Variants in ABI1 observed in about 807,000 individuals in gnomAD.
ABI1 encodes the protein abl interactor 1, also known as Abelson interactor 1.
A neutral mutation model predicts 54.6 loss-of-function variants in ABI1; 14 were observed. The ratio of observed to expected loss-of-function variants is 0.26; its 90% CI spans 0.17 to 0.40. The LOEUF (loss-of-function observed/expected upper bound fraction) is 0.40, where lower values mean the gene tolerates loss of function less well. ABI1 is among the 10% of genes least tolerant of loss of function. The pLI, the probability that ABI1 is intolerant of heterozygous loss-of-function variation, is 1.00. For synonymous variants in ABI1, 194 were observed against 209.3 expected (o/e 0.93, Z 0.63); for missense variants, 443 against 598.3 (o/e 0.74, Z 2.71).
At chr10:26,821,390 G>C (rs763658234) in intron 2 of ABI1, among the ~76,000 whole-genome samples, 1 of 151,906 alleles carries the variant, frequency 6.6e-6, no homozygotes, top group Admixed American at 6.6e-5. Flanking sequence ...TTTTAATATC[G>C]ATAAAGTTGG....
At chr10:26,795,891 C>T (rs2133274116) in intron 2 of ABI1, among the ~76,000 whole-genome samples, 1 of 152,256 alleles carries the variant, frequency 6.6e-6, no homozygotes, top group Middle Eastern at 3.4e-3. Flanking sequence ...ATAGAAAAAA[C>T]AATCCTAAAA....
At position 26,748,026 on chromosome 10, in the gene ABI1, CCTAAGTACGAGT is replaced by C; in HGVS notation, c.*532_*543del. 4.9e-6 allele frequency: 1 copy of C among 204,264 alleles called. No individual in the cohort carries two copies. Among genetic ancestry groups the C allele is most frequent in the Non-Finnish European group, 1.0e-5 (1 of 99,996 alleles). 12.7% of individuals were successfully genotyped at this position (204,264 alleles called of 1,614,324 possible). ...TGGAGACTCAATTCACGTTAAGACA[CCTAAGTACGAGT>C]CCTCCAGGTAAATATTACACAAATG... On this transcript the variant is annotated 3_prime_UTR_variant, in exon 11 of 11. Coordinates refer to ENST00000376140, the MANE Select transcript of ABI1 (RefSeq NM_001012750.3).
intron 2 of ABI1, among the ~76,000 whole-genome samples, chr10:26,800,151 A>G (rs1317724921): frequency 6.6e-6 from 1 of 152,082 alleles, no homozygotes; most frequent in African/African-American, 2.4e-5. Flanking sequence ...TGGGAGGCCA[A>G]CCTAGGTGTA....
intron 2 of ABI1, among the ~76,000 whole-genome samples, chr10:26,784,487 A>G (rs1842491639): frequency 6.9e-6 from 1 of 144,488 alleles, no homozygotes; most frequent in Non-Finnish European, 1.5e-5. Context: ...GGGAGGCCAC[A>G]TTGGAGAAAC....
chr10:26,819,025 C>T (rs574016669), intron 2 of ABI1, among the ~76,000 whole-genome samples: 1 of 152,282 alleles, frequency 6.6e-6, no homozygotes, highest in East Asian at 1.9e-4. Context: ...ATGACACCAA[C>T]AGCCCTAAGA....
intron 2 of ABI1, among the ~76,000 whole-genome samples, chr10:26,783,042 T>TC (rs1226665477): frequency 3.9e-5 from 6 of 152,086 alleles, no homozygotes; most frequent in Admixed American, 3.9e-4. Context: ...AGCCAAAAGA[T>TC]GAAAGTAACC....
chr10:26,758,403 C>T (rs967943979), intron 8 of ABI1, among the ~76,000 whole-genome samples: 2 of 152,144 alleles, frequency 1.3e-5, no homozygotes, highest in Non-Finnish European at 2.9e-5. Context: ...AATGACTACC[C>T]TACACTATTC....
chr10:26,849,299 C>T (rs552939850), intron 1 of ABI1, among the ~76,000 whole-genome samples: 4 of 152,012 alleles, frequency 2.6e-5, no homozygotes, highest in Non-Finnish European at 4.4e-5. Flanking sequence ...TTCTTTACTG[C>T]CAACCATCCA....
chr10:26,809,811 C>T (rs1224646610), intron 2 of ABI1, among the ~76,000 whole-genome samples: 2 of 152,120 alleles, frequency 1.3e-5, no homozygotes, highest in Non-Finnish European at 2.9e-5. Context: ...TGGTGGAGCT[C>T]CCTGGATGGT....
At chr10:26,798,315 G>C (rs988416290) in intron 2 of ABI1, among the ~76,000 whole-genome samples, 2 of 151,846 alleles carry the variant, frequency 1.3e-5, no homozygotes, top group Admixed American at 6.6e-5. Flanking sequence ...TATTGGGGGG[G>C]GTGAATCAAA....
intron 1 of ABI1, among the ~76,000 whole-genome samples, chr10:26,833,356 A>G (rs2048811958): frequency 6.6e-6 from 1 of 152,230 alleles, no homozygotes; most frequent in Non-Finnish European, 1.5e-5. Context: ...GGGTATTCCC[A>G]ATAACTAGAT....
intron 10 of ABI1, among the ~76,000 whole-genome samples, chr10:26,750,054 C>T (rs7078227): frequency 0.57 from 87,400 of 152,070 alleles, 27,031 homozygotes; most frequent in African/African-American, 0.81. Flanking sequence ...TAATTGGCTT[C>T]ACCAAGTAAG....
At chr10:26,829,823 GAGGA>G (rs1056777528) in intron 1 of ABI1, among the ~76,000 whole-genome samples, 1 of 152,130 alleles carries the variant, frequency 6.6e-6, no homozygotes. Flanking sequence ...TTTCTTGGAT[GAGGA>G]AGGGAGGTCA....
intron 1 of ABI1, among the ~76,000 whole-genome samples, chr10:26,855,162 T>C (rs2134300791): frequency 6.6e-6 from 1 of 152,322 alleles, no homozygotes; most frequent in South Asian, 2.1e-4. Flanking sequence ...GAATAAAGGA[T>C]ACTTAACCTG....
At chr10:26,818,732 C>A (rs937707116) in intron 2 of ABI1, among the ~76,000 whole-genome samples, 4 of 151,358 alleles carry the variant, frequency 2.6e-5, no homozygotes, top group African/African-American at 9.7e-5. Flanking sequence ...TACCTGTAAT[C>A]TGTAATCCCA....
intron 6 of ABI1, among the ~76,000 whole-genome samples, chr10:26,768,164 A>T: frequency 6.6e-6 from 1 of 152,120 alleles, no homozygotes; most frequent in East Asian, 1.9e-4. Context: ...GAAAGTTTAA[A>T]TCACGTTGTA....
chr10:26,834,548 AACACACACACACACACAC>A (rs571268846), intron 1 of ABI1, among the ~76,000 whole-genome samples: 122 of 138,622 alleles, frequency 8.8e-4, no homozygotes, highest in Non-Finnish European at 1.5e-3. Flanking sequence ...AGACATACAA[AACACACACACACACACAC>A]ACACACACAC....
chr10:26,838,342 C>CT (rs2049245158), intron 1 of ABI1, among the ~76,000 whole-genome samples: 1 of 152,050 alleles, frequency 6.6e-6, no homozygotes, highest in Admixed American at 6.6e-5. Flanking sequence ...CTTTCACATG[C>CT]ACCTGAGGTA....
intron 9 of ABI1, among the ~76,000 whole-genome samples, chr10:26,755,230 G>C (rs1290675685): frequency 1.3e-5 from 2 of 152,126 alleles, no homozygotes; most frequent in African/African-American, 4.8e-5. Flanking sequence ...ATTAAGGGGG[G>C]AAAATCTGCC....
Sources: gnomAD v4.1 joint callset for allele counts (sites outside exome capture counted in the v4.1 genomes callset) on GRCh38, gnomAD v4.1.1 for gene constraint, MANE v1.5 for transcripts, NCBI Gene and HGNC (gene_info 2026-07-23, HGNC 2026-07-21) for gene names.